FGF18: variants seen among roughly 807,000 people sequenced by gnomAD.
FGF18 encodes the protein fibroblast growth factor 18.
A neutral mutation model predicts 23.0 loss-of-function variants in FGF18; 5 were observed. The ratio of observed to expected loss-of-function variants is 0.22; its 90% confidence interval spans 0.11 to 0.46. FGF18 has a LOEUF of 0.46. Ranked by LOEUF, FGF18 falls within the 20% of genes least tolerant of loss-of-function variation. FGF18 has a pLI of 0.99. For missense variants in FGF18, 180 were observed against 291.6 expected, an observed-to-expected ratio of 0.62 and a Z score of 2.79; for synonymous variants, 117 against 118.9, an observed-to-expected ratio of 0.98 and a Z score of 0.10.
Position 171,436,050 on chromosome 5 carries a change from T to G in FGF18, c.70-43T>G. 1 of 1,444,420 alleles carries G rather than the reference T, an allele frequency of 6.9e-7. No homozygotes were observed. Among genetic ancestry groups the G allele is most frequent in the African/African-American group, 1.5e-5 (1 of 68,914 alleles). The allele number at this position is 1,444,420 out of a possible 1,614,324, so 89.5% of individuals were successfully genotyped here. A position where few individuals can be genotyped will look rare whatever the true frequency, so the allele number is the denominator to read the frequency against. ...GGCTGGCTCCTGCATGCAGTGGGCC[T>G]GGGACATCTGGGGTGGCTTACTGTG... On this transcript the variant is annotated intron_variant, in intron 2 of 4. Coordinates refer to ENST00000274625, the MANE Select transcript of FGF18 (RefSeq NM_003862.3). The surrounding 1 kb of genome is among the most constrained non-coding windows in gnomAD (Gnocchi z 4.4).
At chr5:171,450,682 T>C (rs1245126515) in intron 4 of FGF18, among the ~76,000 whole-genome samples, 1 of 152,138 alleles carries the variant, frequency 6.6e-6, no homozygotes, top group African/African-American at 2.4e-5. Flanking sequence ...TGATTCACTT[T>C]CCGCCGTTGC....
intron 2 of FGF18, among the ~76,000 whole-genome samples, chr5:171,422,182 G>T (rs565214029): frequency 6.6e-6 from 1 of 152,202 alleles, no homozygotes; most frequent in Admixed American, 6.5e-5. Context: ...TGTGTTCTCC[G>T]TGGGAGCTGG....
intron 3 of FGF18, among the ~76,000 whole-genome samples, chr5:171,443,332 C>T (rs1310341337): frequency 6.6e-6 from 1 of 151,914 alleles, no homozygotes; most frequent in Non-Finnish European, 1.5e-5. Context: ...GGTTTCACCA[C>T]GTCGGTCAGG....
chr5:171,422,124 G>C (rs765980558), intron 2 of FGF18, among the ~76,000 whole-genome samples: 1 of 152,114 alleles, frequency 6.6e-6, no homozygotes, highest in Non-Finnish European at 1.5e-5. Context: ...GCCTGCTGCT[G>C]TTGGTTCTTC....
intron 3 of FGF18, among the ~76,000 whole-genome samples, chr5:171,444,958 C>T (rs1308566242): frequency 6.6e-6 from 1 of 151,976 alleles, no homozygotes; most frequent in East Asian, 1.9e-4. Context: ...TGGAGACCGA[C>T]AATAAAAATA....
Position 171,436,218 on chromosome 5 carries a change from C to T in FGF18, c.195C>T (p.His65=), listed in dbSNP as rs778143601. Residue 65 remains histidine (H), a synonymous_variant, in exon 3 of 5, where the codon CAC becomes CAT. Coordinates refer to ENST00000274625, the MANE Select transcript of FGF18 (RefSeq NM_003862.3). This position sits in a 1 kb window ranked among gnomAD's most constrained non-coding sequence, Gnocchi z 4.4. ...YQLYSRTSGK[H]IQVLGRRISA... Reference sequence around the variant, plus strand: ...TCTACAGCCGGACCAGTGGGAAACACATCCAGGTCCTGGGCCGCAGGATCA... The same window carrying T: ...TCTACAGCCGGACCAGTGGGAAACATATCCAGGTCCTGGGCCGCAGGATCA... 1 of 1,605,038 alleles carries T rather than the reference C, an allele frequency of 6.2e-7. No individual in the cohort carries two copies. Among genetic ancestry groups the T allele is most frequent in the Non-Finnish European group, 8.5e-7 (1 of 1,175,324 alleles).
At position 171,451,075 on chromosome 5, in the gene FGF18, C is replaced by T. The variant is rs1292193285; in HGVS notation, c.357+1822C>T. ...CGCCCCCCCACCCCGCCGCCGGCCG[C>T]CTCCCGCCCGCGGGCGAGCCGCTGA... On this transcript the variant is annotated intron_variant, in intron 4 of 4. Coordinates refer to ENST00000274625, the MANE Select transcript of FGF18 (RefSeq NM_003862.3). This position sits in a 1 kb window ranked among gnomAD's most constrained non-coding sequence, Gnocchi z 4.5. Among the ~76,000 whole-genome samples, 3 of 150,986 alleles carry T rather than the reference C, an allele frequency of 2.0e-5. No homozygotes were observed. The highest frequency in any genetic ancestry group is 7.3e-5 in the African/African-American group (3 of 41,198).
intron 4 of FGF18, among the ~76,000 whole-genome samples, chr5:171,450,666 A>C (rs1421435568): frequency 6.6e-6 from 1 of 152,172 alleles, no homozygotes; most frequent in East Asian, 1.9e-4. Context: ...GAGTGGTTTT[A>C]ATTAGTGATT....
chr5:171,455,917 C>G (rs1772573849), intron 4 of FGF18, among the ~76,000 whole-genome samples: 2 of 152,064 alleles, frequency 1.3e-5, no homozygotes, highest in African/African-American at 4.8e-5. Flanking sequence ...AGTCTGTTAC[C>G]TAATTGGAGG....
Position 171,436,624 on chromosome 5 carries a change from G to T in FGF18, c.250+351G>T, listed in dbSNP as rs1166882397. Reference sequence around the variant, plus strand: ...GCCCCAGGTTCAGCCACTTCAAGGGGCAGGAGCCTCGAGGTGATGCTTTTA... The same window carrying T: ...GCCCCAGGTTCAGCCACTTCAAGGGTCAGGAGCCTCGAGGTGATGCTTTTA... On this transcript the variant is annotated intron_variant, in intron 3 of 4. Transcript: ENST00000274625. This position sits in a 1 kb window ranked among gnomAD's most constrained non-coding sequence, Gnocchi z 4.4. Among the ~76,000 whole-genome samples the T allele has an allele frequency of 6.6e-6, 1 of 152,236 alleles. No homozygotes were observed. The highest frequency in any genetic ancestry group is 6.5e-5 in the Admixed American group (1 of 15,282).
chr5:171,456,162 G>T lies in FGF18; in HGVS notation c.358-377G>T, dbSNP rs186562298. Among the ~76,000 whole-genome samples the T allele has an allele frequency of 1.3e-5, 2 of 152,248 alleles. No individual in the cohort carries two copies. The highest frequency in any genetic ancestry group is 1.3e-4 in the Admixed American group (2 of 15,294). ...TTTGTAAAATCCAGTTTTAGCAAGA[G>T]CCCTGCTAAGTCAGTTTAGCAAGGA... On this transcript the variant is annotated intron_variant, in intron 4 of 4. Coordinates refer to ENST00000274625, the MANE Select transcript of FGF18 (RefSeq NM_003862.3). This position sits in a 1 kb window ranked among gnomAD's most constrained non-coding sequence, Gnocchi z 6.1.
intron 2 of FGF18, among the ~76,000 whole-genome samples, chr5:171,421,426 C>T (rs1772005071): frequency 6.6e-6 from 1 of 152,180 alleles, no homozygotes; most frequent in Non-Finnish European, 1.5e-5. Context: ...AGGAACTGGA[C>T]ACAGGTCAAA....
intron 2 of FGF18, among the ~76,000 whole-genome samples, chr5:171,422,361 C>T (rs999967878): frequency 9.2e-5 from 14 of 152,202 alleles, no homozygotes; most frequent in Non-Finnish European, 7.4e-5. Flanking sequence ...TTGTCCCCAC[C>T]GGCCTTTCTG....
At position 171,436,297 on chromosome 5, in the gene FGF18, A is replaced by T. The variant is rs1299462349; in HGVS notation, c.250+24A>T. ...TGGTATGTGCCAACCCTCTCCTCCT[A>T]CTCCGTGTACCCGTGTACATGTCCT... is the stretch of plus-strand genomic sequence containing the variant. On this transcript the variant is annotated intron_variant, in intron 3 of 4. Transcript: ENST00000274625. The surrounding 1 kb of genome is among the most constrained non-coding windows in gnomAD (Gnocchi z 4.4). The T allele has an allele frequency of 6.7e-7, 1 of 1,503,342 alleles. No individual in the cohort carries two copies. Among genetic ancestry groups the T allele is most frequent in the Non-Finnish European group, 8.9e-7 (1 of 1,118,774 alleles). 93.1% of individuals were successfully genotyped at this position (1,503,342 alleles called of 1,614,324 possible).
rs567894043 is a variant in FGF18 at position 171,456,165 on chromosome 5, C to T, written c.358-374C>T. Among the ~76,000 whole-genome samples, 3 of 152,320 alleles carry T rather than the reference C, an allele frequency of 2.0e-5. No homozygotes were observed. In the East Asian group the frequency reaches 5.8e-4, roughly 29 times the overall value. On this transcript the variant is annotated intron_variant, in intron 4 of 4. Transcript: ENST00000274625. This position sits in a 1 kb window ranked among gnomAD's most constrained non-coding sequence, Gnocchi z 6.1. ...GTAAAATCCAGTTTTAGCAAGAGCC[C>T]TGCTAAGTCAGTTTAGCAAGGATCC...
At chr5:171,443,815 AT>A (rs1458764504) in intron 3 of FGF18, among the ~76,000 whole-genome samples, 1 of 151,694 alleles carries the variant, frequency 6.6e-6, no homozygotes, top group Non-Finnish European at 1.5e-5. Flanking sequence ...CCTTTGAGCC[AT>A]TTTTCTTTCT....
At position 171,457,419 on chromosome 5, in the gene FGF18, TC is replaced by T. The variant is rs1772602884; in HGVS notation, c.*615del. Reference sequence around the variant, plus strand: ...TCCAATCATGGTGACCCTGCCTTGCTCGCAGTTCTGGAGGATGCTGCTATCG... The same window carrying T: ...TCCAATCATGGTGACCCTGCCTTGCTGCAGTTCTGGAGGATGCTGCTATCG... On this transcript the variant is annotated 3_prime_UTR_variant, in exon 5 of 5. Transcript: ENST00000274625. 6.6e-6 allele frequency: 1 copy of T among 152,392 alleles called. No individual in the cohort carries two copies. The highest frequency in any genetic ancestry group is 1.9e-4 in the East Asian group (1 of 5,184). The allele number at this position is 152,392 out of a possible 1,614,324, so 9.4% of individuals were successfully genotyped here.
intron 2 of FGF18, among the ~76,000 whole-genome samples, chr5:171,423,511 G>GT (rs980159871): frequency 6.6e-6 from 1 of 152,166 alleles, no homozygotes; most frequent in African/African-American, 2.4e-5. Flanking sequence ...GCTCGGCGGG[G>GT]TGGGGGGGCA....
At chr5:171,442,253 A>AGT (rs748625859) in intron 3 of FGF18, among the ~76,000 whole-genome samples, 85 of 151,950 alleles carry the variant, frequency 5.6e-4, no homozygotes, top group Admixed American at 3.0e-3. Context: ...TATACAGCAG[A>AGT]GTGTGTGTGT....
Sources: allele counts gnomAD v4.1 joint callset (sites outside exome capture counted in the v4.1 genomes callset), GRCh38; gene constraint gnomAD v4.1.1; non-coding constraint Gnocchi (gnomAD v3.1); transcripts MANE v1.5; gene names NCBI Gene and HGNC (gene_info 2026-07-23, HGNC 2026-07-21).